Variants in PADI1 observed in about 807,000 individuals in gnomAD.
PADI1 encodes protein-arginine deiminase type-1.
In PADI1, 65 loss-of-function variants were observed where a neutral mutation model predicts 74.8. The observed-to-expected ratio is 0.87, with a 90% CI of 0.71 to 1.07. PADI1 has a LOEUF of 1.07. Among genes scored for constraint, PADI1 ranks in the 50% least tolerant of loss-of-function variants. The pLI is 0.00. For synonymous variants in PADI1, 371 were observed against 336.2 expected (o/e 1.10, Z -1.13); for missense variants, 943 against 854.0 (o/e 1.10, Z -1.30).
At chr1:17,212,523 C>G (rs2071861327) in intron 1 of PADI1, among the ~76,000 whole-genome samples, 1 of 151,976 alleles carries the variant, frequency 6.6e-6, no homozygotes, top group African/African-American at 2.4e-5. Flanking sequence ...TCCTCTGTGA[C>G]TGCTGTATTT....
intron 1 of PADI1, among the ~76,000 whole-genome samples, chr1:17,212,750 G>A (rs1465319310): frequency 6.6e-6 from 1 of 152,168 alleles, no homozygotes; most frequent in Non-Finnish European, 1.5e-5. Flanking sequence ...TGACCTCCAA[G>A]GCCCGTCTCT....
chr1:17,238,130 C>A (rs562836192), intron 12 of PADI1, among the ~76,000 whole-genome samples: 3 of 152,338 alleles, frequency 2.0e-5, no homozygotes, highest in East Asian at 1.9e-4. Context: ...CTCACTACAA[C>A]CTTCACCTGC....
chr1:17,242,740 C>T (rs1173809963), intron 15 of PADI1, among the ~76,000 whole-genome samples: 1 of 152,228 alleles, frequency 6.6e-6, no homozygotes, highest in East Asian at 1.9e-4. Flanking sequence ...TCTGAGGTCA[C>T]ACAGTGAGCG....
In PADI1 at chr1:17,206,679, TTTTC is replaced by T. The variant is rs1409218691; in HGVS notation, c.92+1374_92+1377del. On this transcript the variant is annotated intron_variant, in intron 1 of 15. Transcript: ENST00000375471. ...GCTGAAGCTGAAGTCTTTTTTTTCT[TTTTC>T]TTTTTTTTTTTTTTTTTTTTTGAGA... 1.2e-3 allele frequency among the ~76,000 whole-genome samples: 167 copies of T among 134,738 alleles called. 2 individuals are homozygous for T. In the East Asian group the frequency reaches 0.024, roughly 20 times the overall value. The allele number at this position is 134,738 out of a possible 152,430, so 88.4% of individuals were successfully genotyped here. A position where few individuals can be genotyped will look rare whatever the true frequency, so the allele number is the denominator to read the frequency against.
Position 17,223,603 on chromosome 1 carries a change from T to C in PADI1, c.274-18T>C, listed in dbSNP as rs1429952414. On this transcript the variant is annotated intron_variant, in intron 2 of 15. Coordinates refer to ENST00000375471, the MANE Select transcript of PADI1 (RefSeq NM_013358.3). ...TCTGAAGGTGATGGCCGTGCAGGCT[T>C]AGGGCTATGTTCTGCAGGTGAGGGT... 4 of 1,607,990 alleles carry C rather than the reference T, an allele frequency of 2.5e-6. No individual in the cohort carries two copies. The East Asian group carries it at 6.7e-5, about 27-fold the overall frequency.
At chr1:17,233,849 G>A (rs1430531036) in intron 11 of PADI1, among the ~76,000 whole-genome samples, 4 of 152,356 alleles carry the variant, frequency 2.6e-5, no homozygotes, top group South Asian at 2.1e-4. Flanking sequence ...GCTCTGGATC[G>A]GATGAGGCGA....
intron 1 of PADI1, among the ~76,000 whole-genome samples, chr1:17,206,170 C>A (rs1417027633): frequency 6.6e-6 from 1 of 152,148 alleles, no homozygotes. Context: ...ATAGGGGGCT[C>A]GTGGTGGGAG....
In PADI1 at chr1:17,244,226, T is replaced by C; in HGVS notation, c.1975T>C (p.Trp659Arg). The stretch of plus-strand genomic sequence containing the variant: ...CAGGAAGCCCTTTCCCTTCAAATGG[T>C]GGAACATGGTGCCCTGAGCCTGCCC... ...VRRKPFPFKW[W>R]NMVP Residue 659 changes from tryptophan to arginine, a missense_variant, in exon 16 of 16, where the codon TGG becomes CGG. Transcript: ENST00000375471. 2 of 1,613,670 alleles carry C rather than the reference T, an allele frequency of 1.2e-6. No individual in the cohort carries two copies. The highest frequency in any genetic ancestry group is 1.7e-6 in the Non-Finnish European group (2 of 1,179,622).
chr1:17,244,066 C>T lies in PADI1; in HGVS notation c.1815C>T (p.Ile605=). Residue 605 remains isoleucine, a synonymous_variant, in exon 16 of 16, where the codon ATC becomes ATT. Transcript: ENST00000375471. ...YLGIPKPYGP[I]INGRCCLEEK... ...GCATCCCCAAGCCCTACGGGCCCAT[C>T]ATCAATGGCCGCTGCTGCCTGGAGG... The T allele has an allele frequency of 6.2e-7, 1 of 1,614,246 alleles. No homozygotes were observed. Among genetic ancestry groups the T allele is most frequent in the Non-Finnish European group, 8.5e-7 (1 of 1,180,030 alleles).
intron 9 of PADI1, 95 bp from the exon 10 acceptor site, chr1:17,230,477 G>GCTGCC: frequency 2.3e-6 from 2 of 863,134 alleles, no homozygotes; most frequent in Non-Finnish European, 1.8e-6. Context: ...GGGAAGACCC[G>GCTGCC]CTGCCCTGCC....
intron 1 of PADI1, among the ~76,000 whole-genome samples, chr1:17,215,897 C>T (rs1304168349): frequency 3.3e-5 from 5 of 152,142 alleles, no homozygotes; most frequent in Admixed American, 6.6e-5. Context: ...GGGAGGTGGC[C>T]GGTGCCATGG....
chr1:17,216,200 G>C (rs559782989), intron 1 of PADI1, among the ~76,000 whole-genome samples: 46 of 152,318 alleles, frequency 3.0e-4, no homozygotes, highest in Middle Eastern at 3.4e-3. Context: ...CTCTGAGCAG[G>C]AGGGATGCAA....
intron 8 of PADI1, 26 bp downstream of exon 8, chr1:17,229,077 C>T: frequency 7.0e-7 from 1 of 1,426,856 alleles, no homozygotes; most frequent in South Asian, 1.2e-5. Context: ...TCCAGCCCTC[C>T]CCCAAGTCTG....
intron 13 of PADI1, 80 bp downstream of exon 13, chr1:17,238,789 G>C: frequency 1.6e-6 from 1 of 643,302 alleles, no homozygotes; most frequent in South Asian, 3.9e-5. Flanking sequence ...TGCACCTGCA[G>C]ATCTCTCAGC....
chr1:17,232,239 C>T (rs554284663), intron 10 of PADI1, among the ~76,000 whole-genome samples: 1 of 152,162 alleles, frequency 6.6e-6, no homozygotes, highest in African/African-American at 2.4e-5. Flanking sequence ...AGCCACCACG[C>T]CTGGCCTACT....
rs1378359662 is a variant in PADI1, at chr1:17,244,415, C to A, written c.*172C>A. The A allele has an allele frequency of 1.4e-6, 1 of 694,292 alleles. No homozygotes were observed. Among genetic ancestry groups the A allele is most frequent in the Admixed American group, 2.0e-5 (1 of 49,586 alleles). 43.0% of individuals were successfully genotyped at this position (694,292 alleles called of 1,614,324 possible). ...GGATGGATACCACCTACCCTCGCCT[C>A]TGGAATGGCCTACCCAACCCGAGAA... On this transcript the variant is annotated 3_prime_UTR_variant, in exon 16 of 16. Transcript: ENST00000375471.
chr1:17,241,958 G>A lies in PADI1; in HGVS notation c.1758+1198G>A, dbSNP rs2072787637. Among the ~76,000 whole-genome samples the A allele has an allele frequency of 1.3e-5, 2 of 152,158 alleles. 1 individual carries two copies. The highest frequency in any genetic ancestry group is 4.2e-4 in the South Asian group (2 of 4,816). On this transcript the variant is annotated intron_variant, in intron 15 of 15. Coordinates refer to ENST00000375471, the MANE Select transcript of PADI1 (RefSeq NM_013358.3). ...AATGTCGGAATCGGCATGGAATCAG[G>A]GTTGGAAGTGAATGTCGGAATCAGG...
chr1:17,221,563 T>C (rs1023579477), intron 1 of PADI1, among the ~76,000 whole-genome samples: 1 of 150,362 alleles, frequency 6.7e-6, no homozygotes, highest in Non-Finnish European at 1.5e-5. Context: ...AATGGAGTGA[T>C]TGGGTGGGGG....
At position 17,245,364 on chromosome 1, in the gene PADI1, C is replaced by T. The variant is rs976460399; in HGVS notation, c.*1121C>T. The T allele has an allele frequency of 6.5e-5, 10 of 152,690 alleles. No individual in the cohort carries two copies. The highest frequency in any genetic ancestry group is 2.4e-4 in the African/African-American group (10 of 41,440). The allele number at this position is 152,690 out of a possible 1,614,324, so 9.5% of individuals were successfully genotyped here. A position where few individuals can be genotyped will look rare whatever the true frequency, so the allele number is the denominator to read the frequency against. ...CTGTGCAGGCCCATGTCCCCTCCCA[C>T]AGTAGGGAAGACAGCTGCCACGGGA... On this transcript the variant is annotated 3_prime_UTR_variant, in exon 16 of 16. Coordinates refer to ENST00000375471, the MANE Select transcript of PADI1 (RefSeq NM_013358.3). The surrounding 1 kb of genome is among the most constrained non-coding windows in gnomAD (Gnocchi z 4.1).
Sources: gnomAD v4.1 joint callset for allele counts (sites outside exome capture counted in the v4.1 genomes callset) on GRCh38, gnomAD v4.1.1 for gene constraint, Gnocchi (gnomAD v3.1) non-coding constraint, MANE v1.5 for transcripts, NCBI Gene and HGNC (gene_info 2026-07-23, HGNC 2026-07-21) for gene names.